EXD3: variants seen among roughly 807,000 people sequenced by gnomAD.
The protein encoded by EXD3 is exonuclease mut-7 homolog.
Under a neutral mutation model 98.0 loss-of-function variants are expected in EXD3, and 92 were observed. The observed-to-expected ratio is 0.94, with a 90% CI of 0.79 to 1.12. The LOEUF (loss-of-function observed/expected upper bound fraction) is 1.12. Among genes scored for constraint, EXD3 ranks in the 50% most tolerant of loss-of-function variants. The pLI is 0.00. For synonymous variants in EXD3, 569 were observed against 526.0 expected, an observed-to-expected ratio of 1.08 and a Z score of -1.12; for missense variants, 1,222 against 1,191.6, an observed-to-expected ratio of 1.03 and a Z score of -0.38.
Position 137,359,738 on chromosome 9 carries a change from C to T in EXD3, c.657-3370G>A, listed in dbSNP as rs982003486. ...GCTTCTTCCATGCAGTCTCTGTCCA[C>T]GCTGCTGAGTGTGACGAGGTTCAGT... On this transcript the variant is annotated intron_variant, in intron 7 of 21. Transcript: ENST00000340951. Among the ~76,000 whole-genome samples, 3 of 85,788 alleles carry T rather than the reference C, an allele frequency of 3.5e-5. 1 individual carries two copies. Among genetic ancestry groups the T allele is most frequent in the East Asian group, 1.6e-3 (2 of 1,284 alleles). 56.3% of individuals were successfully genotyped at this position (85,788 alleles called of 152,430 possible).
intron 17 of EXD3, among the ~76,000 whole-genome samples, chr9:137,331,726 G>C (rs537041818): frequency 1.6e-4 from 24 of 152,132 alleles, no homozygotes; most frequent in Middle Eastern, 3.4e-3. Context: ...GACCAGCCTG[G>C]ATAACATGGT....
chr9:137,354,495 A>T, intron 9 of EXD3, 118 bp from the exon 10 acceptor site: 2 of 1,551,982 alleles, frequency 1.3e-6, no homozygotes, highest in Non-Finnish European at 1.7e-6. Context: ...CCAGGTGCTC[A>T]CCCGCCCTGG....
chr9:137,359,100 C>A (rs1185789343), intron 7 of EXD3, among the ~76,000 whole-genome samples: 1 of 44,078 alleles, frequency 2.3e-5, no homozygotes, highest in African/African-American at 5.4e-5. Flanking sequence ...GCGCCCGCCA[C>A]CACGCCTGGG....
At chr9:137,354,853 G>A in intron 8 of EXD3, 80 bp from the exon 9 acceptor site, 2 of 1,400,036 alleles carry the variant, frequency 1.4e-6, no homozygotes, top group Non-Finnish European at 1.9e-6. Flanking sequence ...CTGGAGACGG[G>A]CAGAGGGGCT....
chr9:137,404,822 T>C (rs1200335063), intron 1 of EXD3, among the ~76,000 whole-genome samples: 1 of 151,402 alleles, frequency 6.6e-6, no homozygotes, highest in Non-Finnish European at 1.5e-5. Flanking sequence ...GTCGCACCAT[T>C]GCACTCCAGC....
intron 1 of EXD3, among the ~76,000 whole-genome samples, chr9:137,409,185 AGAG>A (rs1266179320): frequency 1.3e-5 from 2 of 152,136 alleles, no homozygotes; most frequent in South Asian, 2.1e-4. Flanking sequence ...TGGCTTTATA[AGAG>A]GAGGAGGAGA....
intron 17 of EXD3, among the ~76,000 whole-genome samples, chr9:137,325,524 C>A (rs1832351559): frequency 6.6e-6 from 1 of 152,124 alleles, no homozygotes; most frequent in South Asian, 2.1e-4. Flanking sequence ...GCTCTGCCTC[C>A]CGAGTTCAAG....
rs74390794 is a variant in EXD3 at position 137,311,779 on chromosome 9, G to A, written c.2185-2079C>T. The stretch of plus-strand genomic sequence containing the variant: ...CCCAGCCACAGGGGGGCCTGGCAGC[G>A]AGGGCCTCCCTGTCCATCTGTCCAC... On this transcript the variant is annotated intron_variant, in intron 19 of 21. Transcript: ENST00000340951. Among the ~76,000 whole-genome samples the A allele has an allele frequency of 9.3e-3, 1,409 of 152,308 alleles. 14 individuals are homozygous for A. Among genetic ancestry groups the A allele is most frequent in the African/African-American group, 0.032 (1,327 of 41,566 alleles).
intron 17 of EXD3, among the ~76,000 whole-genome samples, chr9:137,345,136 C>T (rs142585779): frequency 0.025 from 3,880 of 152,398 alleles, 78 homozygotes; most frequent in Admixed American, 0.057. Flanking sequence ...CGTTTCCCGC[C>T]ACTACCTGGA....
chr9:137,402,081 T>A (rs760922868), intron 1 of EXD3, among the ~76,000 whole-genome samples: 1 of 152,056 alleles, frequency 6.6e-6, no homozygotes, highest in Non-Finnish European at 1.5e-5. Context: ...AGTGGTGTGA[T>A]CTCGGCTCAC....
intron 2 of EXD3, among the ~76,000 whole-genome samples, chr9:137,391,555 C>T (rs1836908599): frequency 6.6e-6 from 1 of 151,850 alleles, no homozygotes; most frequent in Admixed American, 6.6e-5. Context: ...TGCCAGAGGG[C>T]CGGCCTCCCC....
chr9:137,342,573 C>T (rs1210134506), intron 17 of EXD3, among the ~76,000 whole-genome samples: 1 of 152,162 alleles, frequency 6.6e-6, no homozygotes, highest in Non-Finnish European at 1.5e-5. Flanking sequence ...CGCTGCCTGG[C>T]ATATACCAAA....
intron 20 of EXD3, among the ~76,000 whole-genome samples, chr9:137,307,867 C>T (rs1831130242): frequency 6.6e-6 from 1 of 152,094 alleles, no homozygotes; most frequent in Non-Finnish European, 1.5e-5. Flanking sequence ...TCGGAAAGGT[C>T]TTGGGGCTCA....
intron 17 of EXD3, among the ~76,000 whole-genome samples, chr9:137,338,512 AG>A (rs1274754341): frequency 6.6e-6 from 1 of 152,130 alleles, no homozygotes. Flanking sequence ...GAAATTATAA[AG>A]ATAAGAACAG....
At chr9:137,374,458 C>T (rs1211544670) in intron 3 of EXD3, 4 of 634,688 alleles carry the variant, frequency 6.3e-6, no homozygotes, top group Non-Finnish European at 3.9e-6. Context: ...GGATGGTGTG[C>T]TCTCCACGGG....
At chr9:137,330,269 A>G (rs1564481482) in intron 17 of EXD3, among the ~76,000 whole-genome samples, 2 of 139,202 alleles carry the variant, frequency 1.4e-5, no homozygotes, top group African/African-American at 5.7e-5. Context: ...CACAGGAGCT[A>G]CACAGGAACT....
rs779782716 is a variant in EXD3 at position 137,409,565 on chromosome 9, G to GT, written c.-48+13548dup. On this transcript the variant is annotated intron_variant, in intron 1 of 21. Coordinates refer to ENST00000340951, the MANE Select transcript of EXD3 (RefSeq NM_017820.5). Reference sequence around the variant, plus strand: ...GACTCTGTTTCTATGAAAAAAACAGGTATCTATCCAGGCATGGTGGCATGC... The same window carrying GT: ...GACTCTGTTTCTATGAAAAAAACAGGTTATCTATCCAGGCATGGTGGCATGC... Among the ~76,000 whole-genome samples, 13 of 152,192 alleles carry GT rather than the reference G, an allele frequency of 8.5e-5. No homozygotes were observed. The East Asian group carries it at 2.5e-3, about 29-fold the overall frequency.
At chr9:137,350,718 CTAGA>C (rs1404505890) in intron 14 of EXD3, among the ~76,000 whole-genome samples, 1 of 151,480 alleles carries the variant, frequency 6.6e-6, no homozygotes. Flanking sequence ...GGGGAGGGGG[CTAGA>C]TAGAGCCCCA....
intron 19 of EXD3, 97 bp downstream of exon 19, chr9:137,323,628 A>ACCCACCACTGTCTAGGGTGGGG: frequency 2.7e-6 from 4 of 1,498,220 alleles, no homozygotes; most frequent in Non-Finnish European, 3.6e-6. Context: ...CCCACCCCAG[A>ACCCACCACTGTCTAGGGTGGGG]CCCACCACTG....
Sources: gnomAD v4.1 joint callset for allele counts (sites outside exome capture counted in the v4.1 genomes callset) on GRCh38, gnomAD v4.1.1 for gene constraint, MANE v1.5 for transcripts, NCBI Gene and HGNC (gene_info 2026-07-23, HGNC 2026-07-21) for gene names.